Variants in STRADB observed in about 807,000 individuals in gnomAD.
STRADB encodes the protein STE20-related kinase adapter protein beta.
A neutral mutation model predicts 52.1 loss-of-function variants in STRADB; 34 were observed. That is an observed-to-expected ratio of 0.65 (90% CI 0.50 to 0.87). STRADB has a LOEUF of 0.87. STRADB is among the 40% of genes least tolerant of loss of function. STRADB has a pLI of 0.00. For synonymous variants in STRADB, 133 were observed against 174.5 expected (o/e 0.76, Z 1.87); for missense variants, 340 against 483.9 (o/e 0.70, Z 2.79).
chr2:201,469,005 C>T (rs1952348911), intron 3 of STRADB, among the ~76,000 whole-genome samples: 1 of 152,202 alleles, frequency 6.6e-6, no homozygotes, highest in African/African-American at 2.4e-5. Context: ...TTTCATTCCT[C>T]TTGAACAATA....
chr2:201,475,691 T>C lies in STRADB; in HGVS notation c.497T>C (p.Phe166Ser), dbSNP rs1222634683. The C allele has an allele frequency of 6.2e-7, 1 of 1,612,408 alleles. No homozygotes were observed. The highest frequency in any genetic ancestry group is 1.1e-5 in the South Asian group (1 of 91,000). ...MSETLIRNILFGAVRGLNYLH... is the reference protein window; with the variant it reads ...MSETLIRNILSGAVRGLNYLH... ...GAAACTTTAATAAGAAACATTCTCT[T>C]TGGAGCCGTGAGAGGGTTGAACTAT... The change falls in exon 7 of 12, where the codon TTT (phenylalanine) becomes TCT (serine). Residue 166 changes from phenylalanine to serine, a missense_variant. Physicochemically the swap from Phe to Ser is radical, Grantham distance 155. Coordinates refer to ENST00000194530, the MANE Select transcript of STRADB (RefSeq NM_018571.6).
At chr2:201,474,023 TG>T (rs1236516925) in intron 5 of STRADB, among the ~76,000 whole-genome samples, 1 of 151,884 alleles carries the variant, frequency 6.6e-6, no homozygotes, top group African/African-American at 2.4e-5. Flanking sequence ...CCCGAGTAGC[TG>T]GGACTACAGG....
chr2:201,479,947 A>G, intron 11 of STRADB, 85 bp from the exon 12 acceptor site: 1 of 1,515,348 alleles, frequency 6.6e-7, no homozygotes, highest in South Asian at 1.1e-5. Flanking sequence ...CATTTAACAT[A>G]AATTCTTTAA....
chr2:201,469,968 C>T lies in STRADB; in HGVS notation c.109C>T (p.Leu37Phe), dbSNP rs996032242. The T allele has an allele frequency of 6.2e-7, 1 of 1,613,630 alleles. No homozygotes were observed. The highest frequency in any genetic ancestry group is 8.5e-7 in the Non-Finnish European group (1 of 1,179,926). The stretch of plus-strand genomic sequence containing the variant: ...ACAAATGCAGGTTGATGAGCCAACC[C>T]TTTCCTGGTCACGTCCATCCACTAG... ...IHQYLVDEPT[L>F]SWSRPSTRAS... Residue 37 changes from leucine to phenylalanine, a missense_variant, in exon 4 of 12, where the codon CTT becomes TTT. Physicochemically the swap from Leu to Phe is conservative, Grantham distance 22. Transcript: ENST00000194530.
intron 3 of STRADB, among the ~76,000 whole-genome samples, chr2:201,469,527 G>C (rs938694247): frequency 6.6e-6 from 1 of 152,216 alleles, no homozygotes; most frequent in African/African-American, 2.4e-5. Flanking sequence ...TTCCTTGACT[G>C]TTAACATCTT....
intron 3 of STRADB, among the ~76,000 whole-genome samples, chr2:201,463,257 T>G (rs772301412): frequency 1.1e-4 from 16 of 145,498 alleles, no homozygotes; most frequent in Admixed American, 2.9e-4. Context: ...TTGCTTGAAC[T>G]TGGGAGGTGG....
intron 4 of STRADB, among the ~76,000 whole-genome samples, chr2:201,471,581 A>G (rs1216926590): frequency 6.6e-6 from 1 of 152,170 alleles, no homozygotes; most frequent in Non-Finnish European, 1.5e-5. Flanking sequence ...TCATACAGTT[A>G]GTGATTTGAA....
chr2:201,470,099 A>G (rs755132483), intron 4 of STRADB, 47 bp downstream of exon 4: 4 of 1,395,054 alleles, frequency 2.9e-6, no homozygotes, highest in Non-Finnish European at 3.0e-6. Flanking sequence ...TAGAAATTAA[A>G]TTGATGACAA....
chr2:201,462,456 C>T lies in STRADB; in HGVS notation c.93+3592C>T, dbSNP rs74391802. On this transcript the variant is annotated intron_variant, in intron 3 of 11. Transcript: ENST00000194530. ...TGGCTTTTGTTATTTGTTTTGTATT[C>T]TCTTCCTTCCTTCCTGTCTTCTTCT... 3.5e-3 allele frequency among the ~76,000 whole-genome samples: 532 copies of T among 152,014 alleles called. 4 individuals are homozygous for T. Among genetic ancestry groups the T allele is most frequent in the African/African-American group, 0.012 (507 of 41,486 alleles).
At chr2:201,478,752 A>G (rs1952522045) in intron 10 of STRADB, 151 bp downstream of exon 10, 2 of 991,946 alleles carry the variant, frequency 2.0e-6, no homozygotes, top group Non-Finnish European at 2.9e-6. Context: ...ATTAGTGGGA[A>G]CAAGCAAATG....
intron 2 of STRADB, among the ~76,000 whole-genome samples, chr2:201,455,482 G>A (rs1294463379): frequency 6.6e-6 from 1 of 152,104 alleles, no homozygotes; most frequent in East Asian, 1.9e-4. Flanking sequence ...TAGGGGCCAA[G>A]GCTAGAGAAT....
intron 3 of STRADB, among the ~76,000 whole-genome samples, chr2:201,459,339 T>C (rs546524163): frequency 3.0e-4 from 46 of 152,326 alleles, no homozygotes; most frequent in African/African-American, 1.1e-3. Flanking sequence ...GCAACAGACG[T>C]GTCTCTAGAA....
At chr2:201,463,476 A>T (rs1350201260) in intron 3 of STRADB, among the ~76,000 whole-genome samples, 1 of 151,466 alleles carries the variant, frequency 6.6e-6, no homozygotes, top group Admixed American at 6.6e-5. Flanking sequence ...TACTTCTTTT[A>T]GTATCCTTTC....
At chr2:201,477,359 C>T (rs769846205) in intron 7 of STRADB, among the ~76,000 whole-genome samples, 10 of 152,102 alleles carry the variant, frequency 6.6e-5, no homozygotes, top group African/African-American at 2.2e-4. Context: ...CCACCGCACC[C>T]GGCTATCAGT....
intron 1 of STRADB, among the ~76,000 whole-genome samples, chr2:201,452,381 G>C (rs1016125542): frequency 6.6e-6 from 1 of 152,262 alleles, no homozygotes; most frequent in Non-Finnish European, 1.5e-5. Context: ...AGCAGGACTA[G>C]GAAGGAACCT....
At chr2:201,461,736 T>A (rs1952219539) in intron 3 of STRADB, among the ~76,000 whole-genome samples, 1 of 152,216 alleles carries the variant, frequency 6.6e-6, no homozygotes, top group African/African-American at 2.4e-5. Flanking sequence ...TTTTGGGGTA[T>A]AACTCAATTA....
At chr2:201,474,126 G>A (rs2714489) in intron 5 of STRADB, among the ~76,000 whole-genome samples, 1 of 151,830 alleles carries the variant, frequency 6.6e-6, no homozygotes, top group African/African-American at 2.4e-5. Context: ...TCCTGATGTC[G>A]TGATCTGCCT....
intron 4 of STRADB, among the ~76,000 whole-genome samples, chr2:201,471,757 A>G (rs1288526883): frequency 2.0e-5 from 3 of 152,218 alleles, no homozygotes; most frequent in Non-Finnish European, 4.4e-5. Flanking sequence ...TTTTAAAATT[A>G]CAGCACCTAT....
intron 3 of STRADB, among the ~76,000 whole-genome samples, chr2:201,467,192 A>G (rs1175951876): frequency 6.6e-6 from 1 of 152,254 alleles, no homozygotes; most frequent in Admixed American, 6.5e-5. Context: ...GAAAAGTTAC[A>G]TGGGAAACCA....
Sources: allele counts gnomAD v4.1 joint callset (sites outside exome capture counted in the v4.1 genomes callset), GRCh38; gene constraint gnomAD v4.1.1; transcripts MANE v1.5; gene names NCBI Gene and HGNC (gene_info 2026-07-23, HGNC 2026-07-21).